Variants in PPFIA4 observed in about 807,000 individuals in gnomAD.
PPFIA4 encodes the protein PPFI scaffold protein A4.
In PPFIA4, 98 loss-of-function variants were observed where a neutral mutation model predicts 145.7. The observed-to-expected ratio is 0.67, with a 90% CI of 0.57 to 0.80. PPFIA4 has a LOEUF of 0.80. Among genes scored for constraint, PPFIA4 ranks in the 30% least tolerant of loss-of-function variants. PPFIA4 has a pLI of 0.00. For missense variants in PPFIA4, 1,457 were observed against 1,632.7 expected (o/e 0.89, Z 1.85); for synonymous variants, 628 against 649.6 (o/e 0.97, Z 0.51).
At chr1:203,032,041 C>CGTGTATGT (rs138677252) in intron 1 of PPFIA4, among the ~76,000 whole-genome samples, 1 of 146,350 alleles carries the variant, frequency 6.8e-6, no homozygotes, top group Non-Finnish European at 1.5e-5. Context: ...TCTGAGAGAA[C>CGTGTATGT]GTGTGTGTGT....
At position 203,045,838 on chromosome 1, in the gene PPFIA4, C is replaced by T. The variant is rs1320838825; in HGVS notation, c.859-3C>T. On this transcript the variant is annotated splice_region_variant and splice_polypyrimidine_tract_variant and intron_variant, in intron 7 of 29. Transcript: ENST00000295706. ...CCGTCCTTCTTGTCCCCTCTTCTCC[C>T]AGGCTCTGGCCCAGAAGGAGGACAT... The T allele has an allele frequency of 1.2e-6, 2 of 1,612,886 alleles. No individual in the cohort carries two copies. Among genetic ancestry groups the T allele is most frequent in the Non-Finnish European group, 1.7e-6 (2 of 1,179,884 alleles).
chr1:203,048,201 C>T lies in PPFIA4; in HGVS notation c.1141-26C>T. ...AGCAGGAAGAACAGAGATCTGCGGGCTGCACCGACCCATCCCTGCCCCTAG... is the reference window on the plus strand; with the variant it reads ...AGCAGGAAGAACAGAGATCTGCGGGTTGCACCGACCCATCCCTGCCCCTAG... On this transcript the variant is annotated intron_variant, in intron 9 of 29. Transcript: ENST00000295706. The surrounding 1 kb of genome is among the most constrained non-coding windows in gnomAD (Gnocchi z 5.8). 1 of 1,609,242 alleles carries T rather than the reference C, an allele frequency of 6.2e-7. No individual in the cohort carries two copies. The highest frequency in any genetic ancestry group is 8.5e-7 in the Non-Finnish European group (1 of 1,177,242).
intron 25 of PPFIA4, among the ~76,000 whole-genome samples, chr1:203,066,792 A>G (rs1432053374): frequency 6.6e-6 from 1 of 152,224 alleles, no homozygotes; most frequent in African/African-American, 2.4e-5. Flanking sequence ...CCTTTAATTC[A>G]TCAAGCATTT....
chr1:203,039,954 G>A lies in PPFIA4; in HGVS notation c.234+712G>A, dbSNP rs192411494. Among the ~76,000 whole-genome samples the A allele has an allele frequency of 3.3e-5, 5 of 152,304 alleles. No individual in the cohort carries two copies. In the East Asian group the frequency reaches 9.6e-4, roughly 29 times the overall value. ...TGGTGGAGGCAGGAACTGAGCCTGG[G>A]GCTAAGTTTCTCACCACTGCACCTA... On this transcript the variant is annotated intron_variant, in intron 2 of 29. Coordinates refer to ENST00000295706, the MANE Select transcript of PPFIA4 (RefSeq NM_001304331.2).
In PPFIA4 at chr1:203,052,397, G is replaced by A. The variant is rs1238620478; in HGVS notation, c.1620+520G>A. Reference sequence around the variant, plus strand: ...GAAAGATATGGGGCAGAAAAATGCCGAGTTTGATCTTTTGGGAAAGTGCAA... The same window carrying A: ...GAAAGATATGGGGCAGAAAAATGCCAAGTTTGATCTTTTGGGAAAGTGCAA... On this transcript the variant is annotated intron_variant, in intron 14 of 29. Transcript: ENST00000295706. 3.9e-5 allele frequency among the ~76,000 whole-genome samples: 6 copies of A among 152,088 alleles called. No individual in the cohort carries two copies. The East Asian group carries it at 9.7e-4, about 24-fold the overall frequency.
chr1:203,057,096 GTT>G (rs1445310042), intron 19 of PPFIA4, 146 bp downstream of exon 19: 2 of 1,456,162 alleles, frequency 1.4e-6, no homozygotes, highest in Non-Finnish European at 1.8e-6. Flanking sequence ...TGCAGAAGCA[GTT>G]TTTGGTTAGA....
At position 203,068,426 on chromosome 1, in the gene PPFIA4, C is replaced by T. The variant is rs930304862; in HGVS notation, c.3149-27C>T. 11 of 1,561,704 alleles carry T rather than the reference C, an allele frequency of 7.0e-6. No homozygotes were observed. Among genetic ancestry groups the T allele is most frequent in the African/African-American group, 1.4e-5 (1 of 72,128 alleles). On this transcript the variant is annotated intron_variant, in intron 26 of 29. Coordinates refer to ENST00000295706, the MANE Select transcript of PPFIA4 (RefSeq NM_001304331.2). This position sits in a 1 kb window ranked among gnomAD's most constrained non-coding sequence, Gnocchi z 4.7. ...CTTGATGAAACGTAGTATCTCCTTC[C>T]GTCCCTTTTCTTCCCCCACACTCCA...
In PPFIA4 at chr1:203,055,722, G is replaced by C; in HGVS notation, c.2070+50G>C. 1 of 1,605,640 alleles carries C rather than the reference G, an allele frequency of 6.2e-7. No individual in the cohort carries two copies. Among genetic ancestry groups the C allele is most frequent in the South Asian group, 1.1e-5 (1 of 90,824 alleles). ...CTGGCATCACTGGACCCTGCACCGGGGGAGGTTTTAAGGGATGGTAGGACT... is the reference window on the plus strand; with the variant it reads ...CTGGCATCACTGGACCCTGCACCGGCGGAGGTTTTAAGGGATGGTAGGACT... On this transcript the variant is annotated intron_variant, in intron 16 of 29. Transcript: ENST00000295706. The surrounding 1 kb of genome is among the most constrained non-coding windows in gnomAD (Gnocchi z 4.8).
Position 203,048,727 on chromosome 1 carries a change from G to T in PPFIA4, c.1356+13G>T. On this transcript the variant is annotated intron_variant, in intron 11 of 29. Transcript: ENST00000295706. The surrounding 1 kb of genome is among the most constrained non-coding windows in gnomAD (Gnocchi z 5.8). ...CCTGGAGGAGAAGGTGCCCAGAGGGGCGGGGTTGGGATGCGAGAGGTTAGT... is the reference window on the plus strand; with the variant it reads ...CCTGGAGGAGAAGGTGCCCAGAGGGTCGGGGTTGGGATGCGAGAGGTTAGT... The T allele has an allele frequency of 1.2e-6, 2 of 1,609,680 alleles. No homozygotes were observed. Among genetic ancestry groups the T allele is most frequent in the Non-Finnish European group, 1.7e-6 (2 of 1,178,764 alleles).
Position 203,034,007 on chromosome 1 carries a change from T to C in PPFIA4, c.-399-4603T>C, listed in dbSNP as rs7547181. ...GACTGTCAGCACAGGTCTGTTCAGT[T>C]CCATGGGTGTTAGGGCCCTGTGTTA... On this transcript the variant is annotated intron_variant, in intron 1 of 29. Transcript: ENST00000295706. Among the ~76,000 whole-genome samples, 1,186 of 152,216 alleles carry C rather than the reference T, an allele frequency of 7.8e-3. 17 individuals are homozygous for C. Among genetic ancestry groups the C allele is most frequent in the African/African-American group, 0.027 (1,120 of 41,520 alleles).
chr1:203,061,800 C>T, intron 24 of PPFIA4, 122 bp downstream of exon 24: 5 of 1,037,482 alleles, frequency 4.8e-6, no homozygotes, highest in Non-Finnish European at 6.8e-6. Flanking sequence ...GACATAGGTT[C>T]TCTGCTCCCA....
At position 203,045,585 on chromosome 1, in the gene PPFIA4, G is replaced by C. The variant is rs755372973; in HGVS notation, c.858+26G>C. On this transcript the variant is annotated intron_variant, in intron 7 of 29. Coordinates refer to ENST00000295706, the MANE Select transcript of PPFIA4 (RefSeq NM_001304331.2). Reference sequence around the variant, plus strand: ...GTGCGTGAGGGCGCAGGCCTGCTCTGTGACCTCATTGTGGAGCGTGTGGAG... The same window carrying C: ...GTGCGTGAGGGCGCAGGCCTGCTCTCTGACCTCATTGTGGAGCGTGTGGAG... 8 of 1,542,380 alleles carry C rather than the reference G, an allele frequency of 5.2e-6. No individual in the cohort carries two copies. In the East Asian group the frequency reaches 1.9e-4, roughly 37 times the overall value.
rs1050179675 is a variant in PPFIA4, at chr1:203,045,910, C to T, written c.928C>T (p.Arg310Cys). The T allele has an allele frequency of 2.0e-5, 32 of 1,612,730 alleles. No homozygotes were observed. Among genetic ancestry groups the T allele is most frequent in the Admixed American group, 8.3e-5 (5 of 59,996 alleles). ...TLEKRYLAAQ[R>C]EATSIHDLND... Reference sequence around the variant, plus strand: ...GGAGAAGCGCTACCTGGCTGCTCAGCGTGAGGCAACATCCATCCATGACCT... The same window carrying T: ...GGAGAAGCGCTACCTGGCTGCTCAGTGTGAGGCAACATCCATCCATGACCT... The change falls in exon 8 of 30, where the codon CGT (arginine) becomes TGT (cysteine). Residue 310 changes from arginine to cysteine, a missense_variant. By Grantham distance (180) the Arg-to-Cys change is radical. Coordinates refer to ENST00000295706, the MANE Select transcript of PPFIA4 (RefSeq NM_001304331.2).
In PPFIA4 at chr1:203,055,573, C is replaced by G. The variant is rs757563623; in HGVS notation, c.1971C>G (p.Ser657=). The change falls in exon 16 of 30, where the codon TCC becomes TCG. Residue 657 remains serine, a synonymous_variant. Transcript: ENST00000295706. The surrounding 1 kb of genome is among the most constrained non-coding windows in gnomAD (Gnocchi z 4.8). ...GSIPTSLTAL[S]LASASPPLSG... ...TCCCCACCTCTCTGACGGCCCTGTC[C>G]CTGGCCAGCGCGTCCCCACCACTCA... is the stretch of plus-strand genomic sequence containing the variant. 3.1e-6 allele frequency: 5 copies of G among 1,614,028 alleles called. No individual in the cohort carries two copies. The Admixed American group carries it at 8.3e-5, about 27-fold the overall frequency.
rs774701889 is a variant in PPFIA4 at position 203,048,276 on chromosome 1, G to A, written c.1190G>A (p.Gly397Glu). The change falls in exon 10 of 30, where the codon GGA becomes GAA. Residue 397 changes from glycine (G) to glutamate (E), a missense_variant. Gly to Glu is a moderately conservative substitution (Grantham distance 98). Around this residue, in one of 3 missense-constraint regions of PPFIA4, gnomAD observed 848 missense variants for 1,046.7 expected, o/e 0.81. Coordinates refer to ENST00000295706, the MANE Select transcript of PPFIA4 (RefSeq NM_001304331.2). This position sits in a 1 kb window ranked among gnomAD's most constrained non-coding sequence, Gnocchi z 5.8. ...NIEEHLRQLEGQLEEKNQELA... is the reference protein window; with the variant it reads ...NIEEHLRQLEEQLEEKNQELA... The stretch of plus-strand genomic sequence containing the variant: ...GAGGAGCACCTGCGGCAGCTGGAGG[G>A]ACAGCTGGAGGAGAAGAACCAGGAG... 1 of 1,612,844 alleles carries A rather than the reference G, an allele frequency of 6.2e-7. No individual in the cohort carries two copies. Among genetic ancestry groups the A allele is most frequent in the Non-Finnish European group, 8.5e-7 (1 of 1,179,866 alleles).
In PPFIA4 at chr1:203,075,531, C is replaced by T. The variant is rs764730832; in HGVS notation, c.3394-46C>T. On this transcript the variant is annotated intron_variant, in intron 28 of 29. Coordinates refer to ENST00000295706, the MANE Select transcript of PPFIA4 (RefSeq NM_001304331.2). The surrounding 1 kb of genome is among the most constrained non-coding windows in gnomAD (Gnocchi z 4.1). ...CCCTCCAGGCAGGGCGTGAGGATGGCAATTCCAACAGGGCCCTCGGGCCTC... is the reference window on the plus strand; with the variant it reads ...CCCTCCAGGCAGGGCGTGAGGATGGTAATTCCAACAGGGCCCTCGGGCCTC... 2.2e-6 allele frequency: 3 copies of T among 1,352,916 alleles called. No homozygotes were observed. The highest frequency in any genetic ancestry group is 2.9e-6 in the Non-Finnish European group (3 of 1,046,040). The allele number at this position is 1,352,916 out of a possible 1,614,324, so 83.8% of individuals were successfully genotyped here.
Position 203,060,471 on chromosome 1 carries a change from T to G in PPFIA4, c.2784+54T>G, listed in dbSNP as rs1244412960. On this transcript the variant is annotated intron_variant, in intron 22 of 29. Transcript: ENST00000295706. This position sits in a 1 kb window ranked among gnomAD's most constrained non-coding sequence, Gnocchi z 4.8. The stretch of plus-strand genomic sequence containing the variant: ...TTTTCAGAGGTCCTGGAACATAGTT[T>G]GCAAGGTCTCCTGTTGGGCTTTGGG... The G allele has an allele frequency of 6.3e-7, 1 of 1,579,598 alleles. No individual in the cohort carries two copies. The highest frequency in any genetic ancestry group is 1.3e-5 in the African/African-American group (1 of 74,470).
In PPFIA4 at chr1:203,056,813, G is replaced by GCAGCAGCAA. The variant is rs1660997925; in HGVS notation, c.2278_2286dup (p.Asn760_Ser762dup). On this transcript the variant is annotated inframe_insertion, in exon 19 of 30. Transcript: ENST00000295706. ...TTGGAGGATCAGGGCAGCAACCCCA[G>GCAGCAGCAA]CAGCAGCAACAGCAGCCAGGACTCC... The GCAGCAGCAA allele has an allele frequency of 1.9e-6, 3 of 1,612,982 alleles. No homozygotes were observed. The Admixed American group carries it at 5.0e-5, about 27-fold the overall frequency.
At chr1:203,064,341 G>C (rs1390409969) in intron 25 of PPFIA4, among the ~76,000 whole-genome samples, 1 of 152,164 alleles carries the variant, frequency 6.6e-6, no homozygotes, top group Non-Finnish European at 1.5e-5. Context: ...TGCTGAATTT[G>C]CTGTGTTTAC....
Sources: gnomAD v4.1 joint callset for allele counts (sites outside exome capture counted in the v4.1 genomes callset) on GRCh38, gnomAD v4.1.1 for gene constraint, gnomAD v4.1.1 regional missense constraint, Gnocchi (gnomAD v3.1) non-coding constraint, MANE v1.5 for transcripts, NCBI Gene and HGNC (gene_info 2026-07-23, HGNC 2026-07-21) for gene names.